PHIP: variants seen among roughly 807,000 people sequenced by gnomAD.
PHIP encodes PHIP subunit of CUL4-Ring ligase complex, also known as PH-interacting protein.
PHIP carries 54 observed loss-of-function variants against 236.8 expected under a neutral mutation model. The ratio of observed to expected loss-of-function variants is 0.23; its 90% CI spans 0.18 to 0.29. PHIP has a LOEUF of 0.29. PHIP is among the 10% of genes least tolerant of loss of function. The probability of loss-of-function intolerance (pLI) is 1.00; values close to 1 mark genes in which losing one functional copy is unlikely to be tolerated. For missense variants in PHIP, 1,370 were observed against 2,190.8 expected (o/e 0.63, Z 7.48); for synonymous variants, 756 against 718.9 (o/e 1.05, Z -0.83).
intron 24 of PHIP, among the ~76,000 whole-genome samples, chr6:78,978,065 C>T (rs1299285099): frequency 6.6e-6 from 1 of 152,030 alleles, no homozygotes; most frequent in East Asian, 1.9e-4. Flanking sequence ...CATTTTCATT[C>T]TAAATTCACA....
chr6:78,986,308 T>G (rs1768865244), intron 21 of PHIP, among the ~76,000 whole-genome samples: 1 of 152,238 alleles, frequency 6.6e-6, no homozygotes, highest in Non-Finnish European at 1.5e-5. Context: ...GAAAGCATTT[T>G]CTTCATAAAA....
At chr6:78,948,352 T>C (rs148640949) in intron 35 of PHIP, among the ~76,000 whole-genome samples, 2 of 152,160 alleles carry the variant, frequency 1.3e-5, no homozygotes, top group East Asian at 1.9e-4. Context: ...ACCTAGTCAA[T>C]AGAGTATAAA....
In PHIP at chr6:78,988,189, T is replaced by C. The variant is rs778917146; in HGVS notation, c.2460+20A>G. ...ATAAGTAAAAATGACATCTAATTTA[T>C]GAATGTGCTGATATCTTACATCTGA... On this transcript the variant is annotated intron_variant, in intron 21 of 39. Coordinates refer to ENST00000275034, the MANE Select transcript of PHIP (RefSeq NM_017934.7). 60 of 1,497,968 alleles carry C rather than the reference T, an allele frequency of 4.0e-5. No individual in the cohort carries two copies. Among genetic ancestry groups the C allele is most frequent in the Non-Finnish European group, 5.2e-5 (58 of 1,116,166 alleles). 92.8% of individuals were successfully genotyped at this position (1,497,968 alleles called of 1,614,324 possible).
chr6:78,985,783 C>T (rs189070433), intron 21 of PHIP, among the ~76,000 whole-genome samples: 74 of 151,904 alleles, frequency 4.9e-4, no homozygotes, highest in African/African-American at 1.7e-3. Flanking sequence ...CGGAGGTTGC[C>T]GTGAGCTGAG....
At position 79,076,588 on chromosome 6, in the gene PHIP, C is replaced by A. The variant is rs369682175; in HGVS notation, c.189+860G>T. 5.9e-5 allele frequency among the ~76,000 whole-genome samples: 9 copies of A among 152,170 alleles called. No individual in the cohort carries two copies. In the South Asian group the frequency reaches 1.9e-3, roughly 32 times the overall value. On this transcript the variant is annotated intron_variant, in intron 4 of 39. Transcript: ENST00000275034. ...TCCTAAAATACTCATTTTGACAACC[C>A]ACAAAATTAAGGTTTTTAAGCTATT...
chr6:79,041,083 G>A (rs1169292776), intron 7 of PHIP, among the ~76,000 whole-genome samples: 4 of 152,060 alleles, frequency 2.6e-5, no homozygotes, highest in Non-Finnish European at 4.4e-5. Context: ...GTACAGAGCT[G>A]GATAAATATT....
Position 79,027,121 on chromosome 6 carries a change from T to C in PHIP, c.601-957A>G, listed in dbSNP as rs180878269. Among the ~76,000 whole-genome samples, 97 of 152,246 alleles carry C rather than the reference T, an allele frequency of 6.4e-4. 1 individual carries two copies. In the South Asian group the frequency reaches 8.1e-3, roughly 13 times the overall value. On this transcript the variant is annotated intron_variant, in intron 7 of 39. Coordinates refer to ENST00000275034, the MANE Select transcript of PHIP (RefSeq NM_017934.7). ...CATTAGAAAGAACTCAGAGGACCTATGGAGGCATATAATTCAGACAACTTT... is the reference window on the plus strand; with the variant it reads ...CATTAGAAAGAACTCAGAGGACCTACGGAGGCATATAATTCAGACAACTTT...
At chr6:78,972,429 A>G (rs1767653082) in intron 24 of PHIP, among the ~76,000 whole-genome samples, 2 of 152,232 alleles carry the variant, frequency 1.3e-5, no homozygotes, top group Non-Finnish European at 2.9e-5. Flanking sequence ...AGATGGGGAA[A>G]AAACAGAACA....
At chr6:79,077,528 G>A in intron 3 of PHIP, 21 bp from the exon 4 acceptor site, 17 of 1,492,670 alleles carry the variant, frequency 1.1e-5, no homozygotes, top group Non-Finnish European at 1.4e-5. Context: ...AGGACACCCC[G>A]TGAGCCCGGC....
At position 78,985,363 on chromosome 6, in the gene PHIP, A is replaced by G; in HGVS notation, c.2526T>C (p.Asp842=). 1 of 1,578,538 alleles carries G rather than the reference A, an allele frequency of 6.3e-7. No individual in the cohort carries two copies. Among genetic ancestry groups the G allele is most frequent in the Non-Finnish European group, 8.7e-7 (1 of 1,147,734 alleles). ...SEEEERAWHS[D]GSSSDYSSDY... ...AAGCATTCATTTACCTAGAACTGCC[A>G]TCACTGTGCCATGCTCTCTCTTCTT... Residue 842 remains aspartate, a synonymous_variant, in exon 22 of 40, where the codon GAT becomes GAC. Transcript: ENST00000275034.
At chr6:79,072,876 T>C (rs1773955915) in intron 4 of PHIP, among the ~76,000 whole-genome samples, 1 of 152,192 alleles carries the variant, frequency 6.6e-6, no homozygotes, top group African/African-American at 2.4e-5. Flanking sequence ...AAAACTTTAT[T>C]ATAAAGCTCT....
At chr6:79,043,736 C>G (rs1196206546) in intron 6 of PHIP, among the ~76,000 whole-genome samples, 1 of 151,870 alleles carries the variant, frequency 6.6e-6, no homozygotes, top group Non-Finnish European at 1.5e-5. Context: ...ATTTTCTATA[C>G]TGGTAACTTA....
Position 78,998,314 on chromosome 6 carries a change from C to T in PHIP, c.1957G>A (p.Glu653Lys). Residue 653 changes from glutamate (E) to lysine (K), a missense_variant, in exon 18 of 40, where the codon GAG becomes AAG. By Grantham distance (56) the Glu-to-Lys change is moderately conservative (BLOSUM62 1). Transcript: ENST00000275034. ...LDSMIQRLQQ[E>K]QDLRRSGEAV... is the part of the protein sequence containing the mutation. ...TCACCAGAACGTCTCAGGTCTTGCT[C>T]CTGTTGTAGTCTTTGAATCATGCTG... is the stretch of plus-strand genomic sequence containing the variant. 1 of 1,613,064 alleles carries T rather than the reference C, an allele frequency of 6.2e-7. No individual in the cohort carries two copies. Among genetic ancestry groups the T allele is most frequent in the Non-Finnish European group, 8.5e-7 (1 of 1,179,144 alleles).
At chr6:78,945,566 T>G in intron 38 of PHIP, 69 bp from the exon 39 acceptor site, 1 of 895,880 alleles carries the variant, frequency 1.1e-6, no homozygotes, top group Non-Finnish European at 1.8e-6. Context: ...AAGGTTAACC[T>G]GAATTATTTG....
chr6:79,009,301 T>C (rs1263181778), intron 15 of PHIP, among the ~76,000 whole-genome samples: 1 of 152,122 alleles, frequency 6.6e-6, no homozygotes, highest in African/African-American at 2.4e-5. Flanking sequence ...GAACATGTCT[T>C]GACACTTAGC....
chr6:79,058,564 T>C (rs1773192614), intron 6 of PHIP, among the ~76,000 whole-genome samples: 1 of 152,168 alleles, frequency 6.6e-6, no homozygotes, highest in African/African-American at 2.4e-5. Context: ...GGTTGAATCC[T>C]GGCTTCACTT....
At position 79,010,949 on chromosome 6, in the gene PHIP, AT is replaced by A. The variant is rs202183565; in HGVS notation, c.1524+4132del. On this transcript the variant is annotated intron_variant, in intron 15 of 39. Coordinates refer to ENST00000275034, the MANE Select transcript of PHIP (RefSeq NM_017934.7). ...ATATTTAGGAACATTTAAGGTTATA[AT>A]TAACTTCTAAACCTGGCGACCTCTT... 6.3e-3 allele frequency among the ~76,000 whole-genome samples: 964 copies of A among 152,040 alleles called. 10 individuals are homozygous for A. Among genetic ancestry groups the A allele is most frequent in the African/African-American group, 0.022 (924 of 41,550 alleles).
At chr6:79,025,457 C>T (rs968671848) in intron 9 of PHIP, 62 bp downstream of exon 9, 3 of 955,466 alleles carry the variant, frequency 3.1e-6, no homozygotes, top group Non-Finnish European at 5.1e-6. Context: ...CTACTTTATA[C>T]TTTTGCAATT....
At chr6:78,987,016 C>A (rs1436467357) in intron 21 of PHIP, among the ~76,000 whole-genome samples, 1 of 151,978 alleles carries the variant, frequency 6.6e-6, no homozygotes, top group Non-Finnish European at 1.5e-5. Flanking sequence ...AATCAGAATT[C>A]TTTCCAATTA....
Sources: gnomAD v4.1 joint callset for allele counts (sites outside exome capture counted in the v4.1 genomes callset) on GRCh38, gnomAD v4.1.1 for gene constraint, MANE v1.5 for transcripts, NCBI Gene and HGNC (gene_info 2026-07-23, HGNC 2026-07-21) for gene names.